Variants in ZMAT4 observed in about 807,000 individuals in gnomAD.
ZMAT4 encodes zinc finger matrin-type 4, also known as zinc finger matrin-type protein 4.
Under a neutral mutation model 28.7 loss-of-function variants are expected in ZMAT4, and 17 were observed. The observed-to-expected ratio is 0.59, with a 90% CI of 0.41 to 0.89. The LOEUF (loss-of-function observed/expected upper bound fraction) is 0.89, where lower values mean the gene tolerates loss of function less well. Among genes scored for constraint, ZMAT4 ranks in the 40% least tolerant of loss-of-function variants. The pLI is 0.00. For missense variants in ZMAT4, 240 were observed against 283.8 expected (o/e 0.85, Z 1.11); for synonymous variants, 117 against 109.2 (o/e 1.07, Z -0.44).
chr8:40,581,565 T>C (rs1204861329), intron 5 of ZMAT4, among the ~76,000 whole-genome samples: 1 of 152,214 alleles, frequency 6.6e-6, no homozygotes, highest in East Asian at 1.9e-4. Flanking sequence ...TCTATTTTTC[T>C]CTAGATCATA....
rs543742529 is a variant in ZMAT4, at chr8:40,842,786, A to C, written c.-4-17106T>G. ...CTACAGGATATTATAAAATACATTTAGTTTTTAAGATGGAGTTTCACTCTT... is the reference window on the plus strand; with the variant it reads ...CTACAGGATATTATAAAATACATTTCGTTTTTAAGATGGAGTTTCACTCTT... On this transcript the variant is annotated intron_variant, in intron 1 of 6. Coordinates refer to ENST00000297737, the MANE Select transcript of ZMAT4 (RefSeq NM_024645.3). 7.9e-5 allele frequency among the ~76,000 whole-genome samples: 12 copies of C among 152,270 alleles called. No individual in the cohort carries two copies. In the East Asian group the frequency reaches 2.1e-3, roughly 27 times the overall value.
chr8:40,895,814 C>T (rs1395330256), intron 1 of ZMAT4, among the ~76,000 whole-genome samples: 3 of 152,168 alleles, frequency 2.0e-5, no homozygotes, highest in African/African-American at 4.8e-5. Flanking sequence ...TTCATGAAAA[C>T]CAAGGTGCTC....
rs577591862 is a variant in ZMAT4 at position 40,811,806 on chromosome 8, C to T, written c.102+13769G>A. ...TGAATAGCAAGATAAGAATGAGATTCACACCCCAATGTCATATAATAACAT... is the reference window on the plus strand; with the variant it reads ...TGAATAGCAAGATAAGAATGAGATTTACACCCCAATGTCATATAATAACAT... On this transcript the variant is annotated intron_variant, in intron 2 of 6. Coordinates refer to ENST00000297737, the MANE Select transcript of ZMAT4 (RefSeq NM_024645.3). Among the ~76,000 whole-genome samples the T allele has an allele frequency of 2.6e-5, 4 of 152,228 alleles. No individual in the cohort carries two copies. The East Asian group carries it at 7.7e-4, about 29-fold the overall frequency.
intron 5 of ZMAT4, among the ~76,000 whole-genome samples, chr8:40,647,909 C>A (rs1159881883): frequency 1.3e-5 from 2 of 152,134 alleles, no homozygotes; most frequent in East Asian, 1.9e-4. Flanking sequence ...GACATCCACA[C>A]CAAAAACCAT....
chr8:40,664,362 A>C (rs1808318380), intron 5 of ZMAT4, among the ~76,000 whole-genome samples: 1 of 152,214 alleles, frequency 6.6e-6, no homozygotes. Context: ...TCTTCTACTT[A>C]GCTTTTTAAA....
intron 2 of ZMAT4, among the ~76,000 whole-genome samples, chr8:40,781,481 G>A (rs1813820732): frequency 6.6e-6 from 1 of 152,120 alleles, no homozygotes; most frequent in Admixed American, 6.5e-5. Flanking sequence ...CCATAAATAA[G>A]GCCGGGCGCG....
At chr8:40,735,047 T>A (rs539423191) in intron 3 of ZMAT4, among the ~76,000 whole-genome samples, 16 of 152,310 alleles carry the variant, frequency 1.1e-4, no homozygotes, top group South Asian at 4.1e-4. Flanking sequence ...CTGACTCAGC[T>A]TTTTACTGAC....
intron 5 of ZMAT4, among the ~76,000 whole-genome samples, chr8:40,651,203 T>G (rs1807630262): frequency 6.6e-6 from 1 of 152,066 alleles, no homozygotes; most frequent in Non-Finnish European, 1.5e-5. Flanking sequence ...AAAATCTCCT[T>G]AAGCTGATAA....
chr8:40,773,520 CTG>C (rs895191666), intron 2 of ZMAT4, among the ~76,000 whole-genome samples: 11 of 140,896 alleles, frequency 7.8e-5, no homozygotes, highest in Admixed American at 2.1e-4. Flanking sequence ...AAAAAAAAAA[CTG>C]TGAAAAAAAT....
chr8:40,659,286 A>C (rs1343670584), intron 5 of ZMAT4, among the ~76,000 whole-genome samples: 1 of 152,132 alleles, frequency 6.6e-6, no homozygotes, highest in Non-Finnish European at 1.5e-5. Flanking sequence ...GGAGTCAATA[A>C]ATTTAGTAGA....
intron 5 of ZMAT4, among the ~76,000 whole-genome samples, chr8:40,667,307 C>T (rs1212038948): frequency 6.6e-6 from 1 of 152,116 alleles, no homozygotes; most frequent in Non-Finnish European, 1.5e-5. Context: ...AGGCGCCCGC[C>T]ACCACGCCCG....
chr8:40,836,416 A>G (rs904163446), intron 1 of ZMAT4, among the ~76,000 whole-genome samples: 1 of 152,040 alleles, frequency 6.6e-6, no homozygotes, highest in African/African-American at 2.4e-5. Context: ...TTCAGGCAAG[A>G]AAAAATCTTG....
chr8:40,546,265 C>T (rs1803198715), intron 6 of ZMAT4, among the ~76,000 whole-genome samples: 1 of 151,128 alleles, frequency 6.6e-6, no homozygotes, highest in South Asian at 2.1e-4. Flanking sequence ...CACTAGCTGA[C>T]CTATTTAAAG....
At chr8:40,759,860 G>C (rs1812854334) in intron 3 of ZMAT4, among the ~76,000 whole-genome samples, 2 of 152,146 alleles carry the variant, frequency 1.3e-5, no homozygotes, top group Admixed American at 1.3e-4. Context: ...ACATAGATAA[G>C]ATGTGTGGAT....
At chr8:40,893,478 G>T (rs542326958) in intron 1 of ZMAT4, among the ~76,000 whole-genome samples, 1 of 152,296 alleles carries the variant, frequency 6.6e-6, no homozygotes, top group East Asian at 1.9e-4. Flanking sequence ...CCAGAGCCCA[G>T]ATAGTAAGAT....
intron 5 of ZMAT4, among the ~76,000 whole-genome samples, chr8:40,635,307 G>A (rs1806750917): frequency 6.6e-6 from 1 of 152,114 alleles, no homozygotes; most frequent in Non-Finnish European, 1.5e-5. Flanking sequence ...AGGATAACTA[G>A]GGGAAATTAT....
intron 3 of ZMAT4, among the ~76,000 whole-genome samples, chr8:40,725,698 G>A (rs1285842329): frequency 1.3e-5 from 2 of 152,108 alleles, no homozygotes; most frequent in African/African-American, 2.4e-5. Context: ...TTGAACCTGG[G>A]GGGCAGAGGT....
intron 5 of ZMAT4, among the ~76,000 whole-genome samples, chr8:40,608,388 C>T (rs1002699826): frequency 3.3e-5 from 5 of 152,132 alleles, no homozygotes; most frequent in Non-Finnish European, 7.4e-5. Context: ...CACTCAGCTT[C>T]CACACAGCCA....
chr8:40,786,151 A>G (rs1213957745), intron 2 of ZMAT4, among the ~76,000 whole-genome samples: 1 of 152,186 alleles, frequency 6.6e-6, no homozygotes, highest in Non-Finnish European at 1.5e-5. Flanking sequence ...TCTTCTGCAC[A>G]GCCCTTTCTT....
Sources: allele counts gnomAD v4.1 joint callset (sites outside exome capture counted in the v4.1 genomes callset), GRCh38; gene constraint gnomAD v4.1.1; transcripts MANE v1.5; gene names NCBI Gene and HGNC (gene_info 2026-07-23, HGNC 2026-07-21).